Variants in IL2RB observed in about 807,000 individuals in gnomAD.
The protein encoded by IL2RB is interleukin-2 receptor subunit beta.
A neutral mutation model predicts 44.2 loss-of-function variants in IL2RB; 17 were observed. The observed-to-expected ratio is 0.38, with a 90% CI of 0.26 to 0.58. The LOEUF is 0.58. Ranked by LOEUF, IL2RB falls within the 20% of genes least tolerant of loss-of-function variation. IL2RB has a pLI of 0.63. For missense variants in IL2RB, 624 were observed against 685.5 expected, an observed-to-expected ratio of 0.91 and a Z score of 1.00; for synonymous variants, 286 against 297.9, an observed-to-expected ratio of 0.96 and a Z score of 0.41.
upstream of IL2RB, among the ~76,000 whole-genome samples, chr22:37,153,320 A>T (rs1922564635): frequency 6.6e-6 from 1 of 152,204 alleles, no homozygotes. Context: ...GACTCCAAAA[A>T]GAGAATCAGG....
chr22:37,154,393 C>T (rs1004770854), upstream of IL2RB, among the ~76,000 whole-genome samples: 13 of 152,294 alleles, frequency 8.5e-5, no homozygotes, highest in African/African-American at 3.1e-4. Flanking sequence ...CCATGGCGTG[C>T]ACCCTCCTCC....
Position 37,143,423 on chromosome 22 carries a change from A to G in IL2RB, c.203+98T>C, listed in dbSNP as rs1922061093. ...AAAGTCTGTGGGTCCCATTAGTCCA[A>G]GATTCTGTAAACGTTGACTCCTTGG... is the stretch of plus-strand genomic sequence containing the variant. On this transcript the variant is annotated intron_variant, in intron 3 of 9. Transcript: ENST00000216223. 3.8e-6 allele frequency: 3 copies of G among 792,436 alleles called. No homozygotes were observed. The Admixed American group carries it at 7.1e-5, about 19-fold the overall frequency. The allele number at this position is 792,436 out of a possible 1,614,324, so 49.1% of individuals were successfully genotyped here. A position where few individuals can be genotyped will look rare whatever the true frequency, so the allele number is the denominator to read the frequency against.
rs983851290 is a variant in IL2RB, at chr22:37,126,095, C to T, written c.*2001G>A. On this transcript the variant is annotated 3_prime_UTR_variant, in exon 10 of 10. Transcript: ENST00000216223. ...AACCCTCCCAAGAAGTGGGAGCCTC[C>T]CAAAGTGGAGAAGGCAAATACAATT... 6.6e-6 allele frequency: 1 copy of T among 152,028 alleles called. No homozygotes were observed. Among genetic ancestry groups the T allele is most frequent in the Non-Finnish European group, 1.5e-5 (1 of 67,990 alleles). 9.4% of individuals were successfully genotyped at this position (152,028 alleles called of 1,614,324 possible). A position where few individuals can be genotyped will look rare whatever the true frequency, so the allele number is the denominator to read the frequency against.
intron 7 of IL2RB, 124 bp downstream of exon 7, chr22:37,136,104 C>T: frequency 1.9e-6 from 2 of 1,067,342 alleles, no homozygotes; most frequent in Non-Finnish European, 2.7e-6. Flanking sequence ...TGCAGGGTTA[C>T]AGCAAGTGAG....
chr22:37,127,880 G>A lies in IL2RB; in HGVS notation c.*216C>T. 1 of 408,446 alleles carries A rather than the reference G, an allele frequency of 2.4e-6. No individual in the cohort carries two copies. The highest frequency in any genetic ancestry group is 4.3e-6 in the Non-Finnish European group (1 of 231,772). The allele number at this position is 408,446 out of a possible 1,614,324, so 25.3% of individuals were successfully genotyped here. ...TTACTGCCCCCCTGCAACACACACAGTTCCTGGCTCGGGCAGCAGGACCCG... is the reference window on the plus strand; with the variant it reads ...TTACTGCCCCCCTGCAACACACACAATTCCTGGCTCGGGCAGCAGGACCCG... On this transcript the variant is annotated 3_prime_UTR_variant, in exon 10 of 10. Transcript: ENST00000216223.
chr22:37,130,861 C>T (rs1394413629), intron 9 of IL2RB, among the ~76,000 whole-genome samples: 2 of 152,208 alleles, frequency 1.3e-5, no homozygotes, highest in Non-Finnish European at 2.9e-5. Context: ...TACATTCCCG[C>T]ACATTAAGAG....
upstream of IL2RB, among the ~76,000 whole-genome samples, chr22:37,151,562 C>T (rs188953823): frequency 1.3e-5 from 2 of 152,310 alleles, no homozygotes; most frequent in East Asian, 3.9e-4. Flanking sequence ...AGCCTTTTAA[C>T]TTGATGTGAT....
chr22:37,147,217 C>T (rs896001777), intron 1 of IL2RB, among the ~76,000 whole-genome samples: 3 of 152,282 alleles, frequency 2.0e-5, no homozygotes, highest in East Asian at 1.9e-4. Context: ...GGGCCTCTGG[C>T]GGGGATACTC....
At chr22:37,135,477 G>T in intron 7 of IL2RB, 35 bp from the exon 8 acceptor site, 2 of 1,371,616 alleles carry the variant, frequency 1.5e-6, no homozygotes, top group Non-Finnish European at 2.1e-6. Context: ...AAGGAGAGGG[G>T]TTAGAGAAGT....
At chr22:37,155,658 C>T (rs971205739) in intron 1 of IL2RB, among the ~76,000 whole-genome samples, 3 of 152,364 alleles carry the variant, frequency 2.0e-5, no homozygotes, top group Admixed American at 1.3e-4. Flanking sequence ...CTGAGGCAAC[C>T]TGAGATGTAA....
At chr22:37,150,086 GCACACACACACA>G (rs746303210), upstream of IL2RB, 31 of 138,374 alleles carry the variant, frequency 2.2e-4, no homozygotes, top group Middle Eastern at 3.6e-3. Flanking sequence ...GCTGGGGGCG[GCACACACACACA>G]CACACACACA....
intron 1 of IL2RB, among the ~76,000 whole-genome samples, chr22:37,170,944 G>A (rs925607203): frequency 2.0e-5 from 3 of 152,174 alleles, no homozygotes; most frequent in Non-Finnish European, 4.4e-5. Context: ...ATGGATGAGG[G>A]TGGATTTTAC....
chr22:37,132,583 G>C, intron 8 of IL2RB, 115 bp from the exon 9 acceptor site: 1 of 707,198 alleles, frequency 1.4e-6, no homozygotes. Flanking sequence ...ATTTACTTAT[G>C]TATTTCTTCC....
At chr22:37,150,519 A>G (rs1922443480), upstream of IL2RB, among the ~76,000 whole-genome samples, 1 of 152,232 alleles carries the variant, frequency 6.6e-6, no homozygotes, top group African/African-American at 2.4e-5. Flanking sequence ...TACAATGTAT[A>G]ATAATCACAT....
At chr22:37,147,499 C>T (rs1280402830) in intron 1 of IL2RB, among the ~76,000 whole-genome samples, 1 of 152,258 alleles carries the variant, frequency 6.6e-6, no homozygotes, top group Non-Finnish European at 1.5e-5. Flanking sequence ...AAGTGCCTCA[C>T]ATATGCCAGC....
At chr22:37,147,283 G>GCCTAA (rs1922270768) in intron 1 of IL2RB, among the ~76,000 whole-genome samples, 1 of 152,218 alleles carries the variant, frequency 6.6e-6, no homozygotes, top group South Asian at 2.1e-4. Flanking sequence ...GAAGTGCGTT[G>GCCTAA]CCTAAGGTCA....
intron 1 of IL2RB, among the ~76,000 whole-genome samples, chr22:37,173,828 C>T (rs540273863): frequency 2.6e-5 from 4 of 152,294 alleles, no homozygotes; most frequent in South Asian, 2.1e-4. Context: ...CTTGAAGCCT[C>T]GTGAGCAGAG....
rs1921638050 is a variant in IL2RB at position 37,135,439 on chromosome 22, A to G, written c.707T>C (p.Leu236Pro). The change falls in exon 8 of 10, where the codon CTT becomes CCT. Residue 236 changes from leucine to proline, a missense_variant. This residue lies in a region of IL2RB where 255 missense variants were observed against 339.9 expected (regional missense o/e 0.75). Coordinates refer to ENST00000216223, the MANE Select transcript of IL2RB (RefSeq NM_000878.5). ...PLAFRTKPAA[L>P]GKDTIPWLGH... is the part of the protein sequence containing the mutation. ...GAGCCACGGAATGGTGTCCTTCCCA[A>G]GGGCTGCCCAGGGGTGGGAGAAACA... is the stretch of plus-strand genomic sequence containing the variant. 6.2e-7 allele frequency: 1 copy of G among 1,601,302 alleles called. No homozygotes were observed. The highest frequency in any genetic ancestry group is 8.6e-7 in the Non-Finnish European group (1 of 1,168,612).
chr22:37,130,986 G>A (rs1921396297), intron 9 of IL2RB, among the ~76,000 whole-genome samples: 2 of 152,174 alleles, frequency 1.3e-5, no homozygotes, highest in Non-Finnish European at 2.9e-5. Context: ...GGCCAACATG[G>A]CAAAACCCCG....
Sources: gnomAD v4.1 joint callset for allele counts (sites outside exome capture counted in the v4.1 genomes callset) on GRCh38, gnomAD v4.1.1 for gene constraint, gnomAD v4.1.1 regional missense constraint, MANE v1.5 for transcripts, NCBI Gene and HGNC (gene_info 2026-07-23, HGNC 2026-07-21) for gene names.